CCDC85A: variants seen among roughly 807,000 people sequenced by gnomAD.
CCDC85A encodes the protein coiled-coil domain-containing protein 85A.
A neutral mutation model predicts 50.2 loss-of-function variants in CCDC85A; 38 were observed. The observed-to-expected ratio is 0.76, with a 90% CI of 0.58 to 0.99. The LOEUF is 0.99. CCDC85A is among the 50% of genes least tolerant of loss of function. CCDC85A has a pLI of 0.00. For synonymous variants in CCDC85A, 366 were observed against 301.4 expected (o/e 1.21, Z -2.22); for missense variants, 820 against 742.0 (o/e 1.11, Z -1.22).
chr2:56,263,454 T>C (rs929664532), intron 2 of CCDC85A, among the ~76,000 whole-genome samples: 3 of 152,178 alleles, frequency 2.0e-5, no homozygotes, highest in Non-Finnish European at 4.4e-5. Flanking sequence ...CCAGAGTGAG[T>C]TTCCATTCCA....
intron 2 of CCDC85A, among the ~76,000 whole-genome samples, chr2:56,323,601 C>T (rs938400111): frequency 2.0e-5 from 3 of 152,054 alleles, no homozygotes; most frequent in Non-Finnish European, 4.4e-5. Context: ...GATTATTTGG[C>T]TGAGCTTCTG....
At chr2:56,189,173 A>G (rs1367938462) in intron 1 of CCDC85A, among the ~76,000 whole-genome samples, 1 of 152,218 alleles carries the variant, frequency 6.6e-6, no homozygotes, top group Non-Finnish European at 1.5e-5. Context: ...TGGCAACTAA[A>G]GGTGGAAAGG....
At chr2:56,342,778 A>G in intron 2 of CCDC85A, 101 bp from the exon 3 acceptor site, 2 of 657,584 alleles carry the variant, frequency 3.0e-6, no homozygotes, top group Non-Finnish European at 5.2e-6. Flanking sequence ...AACAGACTAA[A>G]TAGTCACTGT....
At chr2:56,362,747 T>G (rs1338730027) in intron 3 of CCDC85A, among the ~76,000 whole-genome samples, 1 of 152,116 alleles carries the variant, frequency 6.6e-6, no homozygotes, top group African/African-American at 2.4e-5. Context: ...GCCTCCTGAG[T>G]AGCTGGGATT....
chr2:56,383,582 T>C (rs541918630), intron 5 of CCDC85A: 41 of 985,006 alleles, frequency 4.2e-5, no homozygotes, highest in Non-Finnish European at 4.8e-5. Flanking sequence ...AATTTATTCT[T>C]ATCATCTGCC....
chr2:56,284,374 T>C (rs907367607), intron 2 of CCDC85A, among the ~76,000 whole-genome samples: 5 of 152,194 alleles, frequency 3.3e-5, no homozygotes, highest in African/African-American at 1.2e-4. Flanking sequence ...AACGTTCAAA[T>C]CTTCTTATTT....
intron 2 of CCDC85A, among the ~76,000 whole-genome samples, chr2:56,273,930 G>A (rs978881160): frequency 6.6e-6 from 1 of 152,168 alleles, no homozygotes; most frequent in African/African-American, 2.4e-5. Context: ...AACTATGCTA[G>A]TGAGAAAACT....
chr2:56,261,940 A>G (rs1206504081), intron 2 of CCDC85A, among the ~76,000 whole-genome samples: 2 of 152,188 alleles, frequency 1.3e-5, no homozygotes, highest in East Asian at 3.9e-4. Flanking sequence ...CCACCTTCTT[A>G]GGATCCAGTG....
intron 3 of CCDC85A, among the ~76,000 whole-genome samples, chr2:56,361,728 G>A (rs1446618401): frequency 6.6e-6 from 1 of 152,196 alleles, no homozygotes; most frequent in Non-Finnish European, 1.5e-5. Context: ...GGAGAAACAG[G>A]AAGACCCTAT....
At position 56,372,485 on chromosome 2, in the gene CCDC85A, G is replaced by T. The variant is rs749332528; in HGVS notation, c.1452+7G>T. On this transcript the variant is annotated splice_region_variant and intron_variant, in intron 4 of 5. Transcript: ENST00000407595. ...ATGCCTGCCTACTCTCCCGGTGAGT[G>T]AAGATGAGTCAGCTGGATGCATTTG... The T allele has an allele frequency of 6.3e-7, 1 of 1,585,516 alleles. No individual in the cohort carries two copies. The highest frequency in any genetic ancestry group is 2.3e-5 in the East Asian group (1 of 43,482).
intron 2 of CCDC85A, among the ~76,000 whole-genome samples, chr2:56,327,399 A>G (rs13411955): frequency 0.055 from 8,394 of 152,162 alleles, 782 homozygotes; most frequent in African/African-American, 0.19. Context: ...TGAACTGGTA[A>G]AATCCCTTCC....
chr2:56,252,883 G>A (rs868075820), intron 2 of CCDC85A, among the ~76,000 whole-genome samples: 3 of 151,916 alleles, frequency 2.0e-5, no homozygotes, highest in South Asian at 4.2e-4. Context: ...TTCATCCCTC[G>A]GTATTTTTAA....
chr2:56,341,956 A>G (rs1674392665), intron 2 of CCDC85A, among the ~76,000 whole-genome samples: 1 of 150,732 alleles, frequency 6.6e-6, no homozygotes, highest in East Asian at 2.0e-4. Context: ...AATAAAGAGA[A>G]CTGGATGTTT....
At chr2:56,313,848 T>C (rs952214082) in intron 2 of CCDC85A, among the ~76,000 whole-genome samples, 8 of 152,048 alleles carry the variant, frequency 5.3e-5, no homozygotes, top group Admixed American at 2.6e-4. Context: ...GGGACTTTGG[T>C]TGGACTCAGC....
intron 4 of CCDC85A, 27 bp downstream of exon 4, chr2:56,372,505 C>T: frequency 6.4e-7 from 1 of 1,561,186 alleles, no homozygotes; most frequent in South Asian, 1.2e-5. Flanking sequence ...CAGCTGGATG[C>T]ATTTGCTTGT....
chr2:56,246,014 T>C (rs1196936674), intron 2 of CCDC85A, among the ~76,000 whole-genome samples: 1 of 152,218 alleles, frequency 6.6e-6, no homozygotes, highest in Non-Finnish European at 1.5e-5. Flanking sequence ...AACCTCCACC[T>C]CCTGGGTTCA....
chr2:56,195,547 G>A (rs574985800), intron 2 of CCDC85A, among the ~76,000 whole-genome samples: 1 of 152,288 alleles, frequency 6.6e-6, no homozygotes, highest in Admixed American at 6.5e-5. Flanking sequence ...AAATGAAGTG[G>A]CACAATGAGA....
At chr2:56,218,047 C>T (rs1668159746) in intron 2 of CCDC85A, among the ~76,000 whole-genome samples, 1 of 151,792 alleles carries the variant, frequency 6.6e-6, no homozygotes, top group Non-Finnish European at 1.5e-5. Flanking sequence ...TCTGATACAA[C>T]ATCTTGTGTG....
intron 2 of CCDC85A, among the ~76,000 whole-genome samples, chr2:56,333,666 T>G (rs1381819415): frequency 6.6e-6 from 1 of 152,056 alleles, no homozygotes; most frequent in African/African-American, 2.4e-5. Flanking sequence ...GCAGGTACTT[T>G]GTAAGCAACT....
Sources: allele counts gnomAD v4.1 joint callset (sites outside exome capture counted in the v4.1 genomes callset), GRCh38; gene constraint gnomAD v4.1.1; transcripts MANE v1.5; gene names NCBI Gene and HGNC (gene_info 2026-07-23, HGNC 2026-07-21).